Variants in LHFPL3 observed in about 807,000 individuals in gnomAD.
LHFPL3 encodes the protein LHFPL tetraspan subfamily member 3, also known as LHFPL tetraspan subfamily member 3 protein.
LHFPL3 carries 5 observed loss-of-function variants against 19.3 expected under a neutral mutation model. That is an observed-to-expected ratio of 0.26 (90% CI 0.14 to 0.54). LHFPL3 has a LOEUF of 0.54. Ranked by LOEUF, LHFPL3 falls within the 20% of genes least tolerant of loss-of-function variation. The pLI, the probability that LHFPL3 is intolerant of heterozygous loss-of-function variation, is 0.94. For missense variants in LHFPL3, 249 were observed against 307.4 expected, an observed-to-expected ratio of 0.81 and a Z score of 1.42; for synonymous variants, 133 against 126.2, an observed-to-expected ratio of 1.05 and a Z score of -0.36.
intron 1 of LHFPL3, among the ~76,000 whole-genome samples, chr7:104,727,318 C>A (rs1396919482): frequency 6.6e-6 from 1 of 152,116 alleles, no homozygotes; most frequent in Non-Finnish European, 1.5e-5. Flanking sequence ...TATGGAAGCT[C>A]TTTAGTTTAA....
rs1419921473 is a variant in LHFPL3 at position 104,845,571 on chromosome 7, A to G, written c.683-60616A>G. ...CGCATGAAACTGCCGCTTTCAAGCCATAAATCTTCTGTCTTTGTTCCTGAT... is the reference window on the plus strand; with the variant it reads ...CGCATGAAACTGCCGCTTTCAAGCCGTAAATCTTCTGTCTTTGTTCCTGAT... On this transcript the variant is annotated intron_variant, in intron 2 of 2. Transcript: ENST00000424859. 8 of 928,858 alleles carry G rather than the reference A, an allele frequency of 8.6e-6. No homozygotes were observed. The East Asian group carries it at 1.7e-4, about 20-fold the overall frequency. The allele number at this position is 928,858 out of a possible 1,614,324, so 57.5% of individuals were successfully genotyped here. A position where few individuals can be genotyped will look rare whatever the true frequency, so the allele number is the denominator to read the frequency against.
intron 1 of LHFPL3, among the ~76,000 whole-genome samples, chr7:104,553,929 A>C (rs182308471): frequency 6.6e-6 from 1 of 152,266 alleles, no homozygotes; most frequent in Non-Finnish European, 1.5e-5. Flanking sequence ...GTGAAGTCAG[A>C]GTCATTCTGA....
intron 1 of LHFPL3, among the ~76,000 whole-genome samples, chr7:104,591,809 C>G (rs1333795734): frequency 3.3e-5 from 5 of 152,186 alleles, no homozygotes; most frequent in Non-Finnish European, 7.3e-5. Flanking sequence ...AGGCTTTGCT[C>G]ATTTCTTTTT....
At chr7:104,873,972 T>G (rs1322196617) in intron 2 of LHFPL3, among the ~76,000 whole-genome samples, 2 of 152,214 alleles carry the variant, frequency 1.3e-5, no homozygotes, top group Admixed American at 6.5e-5. Context: ...GGTAGTGAAG[T>G]AGGCATTTGG....
intron 1 of LHFPL3, among the ~76,000 whole-genome samples, chr7:104,619,316 CTCTG>C (rs1211346050): frequency 1.2e-4 from 18 of 152,248 alleles, no homozygotes; most frequent in African/African-American, 4.1e-4. Flanking sequence ...CTTTATCCTT[CTCTG>C]TCTTTCTGTT....
chr7:104,765,162 T>C (rs1428489033), intron 2 of LHFPL3, among the ~76,000 whole-genome samples: 1 of 152,190 alleles, frequency 6.6e-6, no homozygotes, highest in East Asian at 1.9e-4. Context: ...TACATTCTGA[T>C]AAACCTAAAT....
chr7:104,797,949 C>A (rs1341890180), intron 2 of LHFPL3, among the ~76,000 whole-genome samples: 1 of 145,406 alleles, frequency 6.9e-6, no homozygotes, highest in Non-Finnish European at 1.5e-5. Flanking sequence ...ACAACAACAA[C>A]AACAACAAAC....
rs1640953344 is a variant in LHFPL3 at position 104,399,575 on chromosome 7, C to A, written c.445+70351C>A. 6.6e-6 allele frequency among the ~76,000 whole-genome samples: 1 copy of A among 151,726 alleles called. No homozygotes were observed. Among genetic ancestry groups the A allele is most frequent in the African/African-American group, 2.4e-5 (1 of 41,302 alleles). ...CTCCTGGGTTCAAGGAATTCTCCTG[C>A]CTCAGCCTCCCAAGTAGCTGAGATT... is the stretch of plus-strand genomic sequence containing the variant. On this transcript the variant is annotated intron_variant, in intron 1 of 2. Transcript: ENST00000424859. The surrounding 1 kb of genome is among the most constrained non-coding windows in gnomAD (Gnocchi z 4.4).
intron 1 of LHFPL3, among the ~76,000 whole-genome samples, chr7:104,441,564 A>G (rs941259267): frequency 2.6e-5 from 4 of 151,218 alleles, no homozygotes; most frequent in Non-Finnish European, 5.9e-5. Context: ...TCACTTTGAG[A>G]TCCTGATTTT....
At chr7:104,424,718 G>C (rs915281398) in intron 1 of LHFPL3, among the ~76,000 whole-genome samples, 1 of 152,058 alleles carries the variant, frequency 6.6e-6, no homozygotes, top group Non-Finnish European at 1.5e-5. Context: ...TTGGCCGGGC[G>C]CGGTGGCTCA....
intron 2 of LHFPL3, among the ~76,000 whole-genome samples, chr7:104,891,728 T>C (rs1792250135): frequency 6.6e-6 from 1 of 152,210 alleles, no homozygotes; most frequent in Non-Finnish European, 1.5e-5. Flanking sequence ...TGTCCTATTA[T>C]AGTGAGCAAG....
At chr7:104,569,738 A>G (rs1475753609) in intron 1 of LHFPL3, among the ~76,000 whole-genome samples, 1 of 152,138 alleles carries the variant, frequency 6.6e-6, no homozygotes, top group East Asian at 1.9e-4. Context: ...CAAGCCCTAT[A>G]AGGTGGATTC....
chr7:104,732,127 A>G (rs1270021369), intron 1 of LHFPL3, among the ~76,000 whole-genome samples: 1 of 152,170 alleles, frequency 6.6e-6, no homozygotes, highest in Non-Finnish European at 1.5e-5. Context: ...TCAGTTTGCC[A>G]GTATTTTATT....
At chr7:104,344,075 T>C (rs1248560848) in intron 1 of LHFPL3, among the ~76,000 whole-genome samples, 1 of 152,166 alleles carries the variant, frequency 6.6e-6, no homozygotes, top group Non-Finnish European at 1.5e-5. Flanking sequence ...TGAATGTAAG[T>C]TGAATTTTAT....
At chr7:104,466,941 C>T (rs1200060958) in intron 1 of LHFPL3, among the ~76,000 whole-genome samples, 1 of 152,204 alleles carries the variant, frequency 6.6e-6, no homozygotes, top group Non-Finnish European at 1.5e-5. Flanking sequence ...AACTGTCTGT[C>T]TCTTTCCAAA....
rs57138274 is a variant in LHFPL3, at chr7:104,755,413, A to C, written c.682+18502A>C. ...TCATGCAATTCACACAAGGAGTCAC[A>C]TACTTCTCATGATTGACTAGAAAAA... is the stretch of plus-strand genomic sequence containing the variant. On this transcript the variant is annotated intron_variant, in intron 2 of 2. Transcript: ENST00000424859. Among the ~76,000 whole-genome samples the C allele has an allele frequency of 4.6e-3, 693 of 152,296 alleles. 30 individuals are homozygous for C. In the East Asian group the frequency reaches 0.1, roughly 22 times the overall value.
intron 2 of LHFPL3, among the ~76,000 whole-genome samples, chr7:104,792,285 A>G (rs189861781): frequency 1.7e-4 from 26 of 152,326 alleles, no homozygotes; most frequent in African/African-American, 6.3e-4. Context: ...TTGACAGCCA[A>G]TAAAAATAAA....
chr7:104,659,729 G>A (rs1229435297), intron 1 of LHFPL3, among the ~76,000 whole-genome samples: 1 of 152,134 alleles, frequency 6.6e-6, no homozygotes. Flanking sequence ...CTCAAAATCA[G>A]GAAGGTATTT....
At chr7:104,573,859 C>T in intron 1 of LHFPL3, among the ~76,000 whole-genome samples, 1 of 152,156 alleles carries the variant, frequency 6.6e-6, no homozygotes, top group East Asian at 1.9e-4. Flanking sequence ...ATGAATTCCC[C>T]ATCTAAGCTT....
Sources: allele counts gnomAD v4.1 joint callset (sites outside exome capture counted in the v4.1 genomes callset), GRCh38; gene constraint gnomAD v4.1.1; non-coding constraint Gnocchi (gnomAD v3.1); transcripts MANE v1.5; gene names NCBI Gene and HGNC (gene_info 2026-07-23, HGNC 2026-07-21).